EBF4: variants seen among roughly 807,000 people sequenced by gnomAD.
The protein encoded by EBF4 is transcription factor COE4.
In EBF4, 34 loss-of-function variants were observed where a neutral mutation model predicts 67.1. The observed-to-expected ratio is 0.51, with a 90% CI of 0.39 to 0.67. The LOEUF is 0.67. EBF4 is among the 30% of genes least tolerant of loss of function. The probability of loss-of-function intolerance (pLI) is 0.00; values close to 1 mark genes in which losing one functional copy is unlikely to be tolerated. For synonymous variants in EBF4, 387 were observed against 377.7 expected (o/e 1.02, Z -0.29); for missense variants, 837 against 873.3 (o/e 0.96, Z 0.52).
rs781320637 is a variant in EBF4 at position 2,708,060 on chromosome 20, A to G, written c.488+40A>G. On this transcript the variant is annotated intron_variant, in intron 5 of 16. Coordinates refer to ENST00000609451, the Ensembl canonical transcript of EBF4. ...TCACTCACACCTCACCCCTCTGCCA[A>G]GGCGTTTCTGAGGACTCTACCCAGG... is the stretch of plus-strand genomic sequence containing the variant. 15 of 1,573,352 alleles carry G rather than the reference A, an allele frequency of 9.5e-6. No homozygotes were observed. The South Asian group carries it at 1.6e-4, about 17-fold the overall frequency.
intron 1 of EBF4, among the ~76,000 whole-genome samples, chr20:2,704,880 C>G (rs1166467757): frequency 1.3e-5 from 2 of 152,226 alleles, no homozygotes; most frequent in African/African-American, 2.4e-5. Flanking sequence ...TCACTCTGGC[C>G]TTGCTTCTGG....
intron 1 of EBF4, among the ~76,000 whole-genome samples, chr20:2,698,565 A>AG (rs747616437): frequency 9.2e-5 from 14 of 152,116 alleles, no homozygotes; most frequent in Non-Finnish European, 1.5e-4. Flanking sequence ...GCTTGGAGGA[A>AG]GGGGGGATGT....
intron 15 of EBF4, 71 bp from the exon 16 acceptor site, chr20:2,758,838 C>A: frequency 1.5e-6 from 2 of 1,370,472 alleles, no homozygotes; most frequent in African/African-American, 1.4e-5. Flanking sequence ...GTCTCCAGCC[C>A]AGAGAGTGAC....
intron 7 of EBF4, 84 bp downstream of exon 7, chr20:2,748,714 C>T (rs1364535261): frequency 4.8e-6 from 7 of 1,453,342 alleles, no homozygotes; most frequent in Non-Finnish European, 6.6e-6. Flanking sequence ...GGCTGTGACC[C>T]TGCCACCCTG....
chr20:2,752,686 C>A, intron 14 of EBF4, 141 bp downstream of exon 14: 1 of 720,818 alleles, frequency 1.4e-6, no homozygotes, highest in Non-Finnish European at 1.9e-6. Context: ...GTCAGGCCCA[C>A]CGTCCCCGCC....
chr20:2,713,804 G>C (rs2087573501), intron 6 of EBF4, among the ~76,000 whole-genome samples: 1 of 152,168 alleles, frequency 6.6e-6, no homozygotes, highest in Non-Finnish European at 1.5e-5. Flanking sequence ...TGAGATATGA[G>C]ACAGGGGTTG....
intron 1 of EBF4, among the ~76,000 whole-genome samples, chr20:2,699,148 C>T (rs1451854433): frequency 1.3e-5 from 2 of 152,134 alleles, no homozygotes; most frequent in East Asian, 1.9e-4. Context: ...GAGCATCTCC[C>T]GGGACCTGCT....
chr20:2,708,105 T>A, intron 5 of EBF4, 85 bp downstream of exon 5: 1 of 1,400,198 alleles, frequency 7.1e-7, no homozygotes, highest in South Asian at 1.4e-5. Flanking sequence ...CTCGCCGCCC[T>A]TGCCCCTGGC....
chr20:2,746,717 A>G (rs1029852603), intron 6 of EBF4, among the ~76,000 whole-genome samples: 8 of 152,246 alleles, frequency 5.3e-5, no homozygotes, highest in Non-Finnish European at 8.8e-5. Context: ...TAAGTAGTAC[A>G]TGAGTAACTA....
At chr20:2,741,216 G>A (rs1049051336) in intron 6 of EBF4, among the ~76,000 whole-genome samples, 5 of 152,070 alleles carry the variant, frequency 3.3e-5, no homozygotes, top group African/African-American at 7.2e-5. Flanking sequence ...GGAGGCTGAG[G>A]TGAGAGGATC....
chr20:2,698,381 A>T (rs369878554), intron 1 of EBF4, among the ~76,000 whole-genome samples: 1 of 152,226 alleles, frequency 6.6e-6, no homozygotes, highest in African/African-American at 2.4e-5. Flanking sequence ...CCACTGGGCT[A>T]CTGCTTTTAT....
exon 8 of EBF4, chr20:2,749,498 G>T: frequency 3.2e-6 from 5 of 1,547,810 alleles, no homozygotes; most frequent in Non-Finnish European, 4.4e-6. Context: ...CGCAGGGCGC[G>T]CCGCCTGGAC....
intron 6 of EBF4, among the ~76,000 whole-genome samples, chr20:2,723,616 TG>T (rs1392097177): frequency 6.6e-6 from 1 of 152,212 alleles, no homozygotes; most frequent in Non-Finnish European, 1.5e-5. Context: ...CCCAAAGTGC[TG>T]GGATTACAGG....
chr20:2,748,511 C>T (rs1400147096), intron 6 of EBF4, 38 bp from the exon 7 acceptor site: 2 of 1,535,244 alleles, frequency 1.3e-6, no homozygotes, highest in Non-Finnish European at 1.8e-6. Context: ...GTTTCCAGAA[C>T]CCCCAGACCC....
rs1459748633 is a variant in EBF4, at chr20:2,749,404, G to A, written c.643G>A (p.Val215Met). The stretch of plus-strand genomic sequence containing the variant: ...CTGGCCTCGGCTCTCCCCGCAGGTG[G>A]TGGTGTCCACGACGGTGAGCGTGGA... The change falls in exon 8 of 17, where the codon GTG becomes ATG. Residue 215 changes from valine (V) to methionine (M), a missense_variant. By Grantham distance (21) the Val-to-Met change is conservative. Around this residue, in one of 3 missense-constraint regions of EBF4, gnomAD observed 226 missense variants for 306.5 expected, o/e 0.74. Transcript: ENST00000609451. 4.6e-6 allele frequency: 7 copies of A among 1,534,500 alleles called. No homozygotes were observed. Among genetic ancestry groups the A allele is most frequent in the Non-Finnish European group, 5.3e-6 (6 of 1,137,556 alleles).
chr20:2,748,447 G>C, intron 6 of EBF4, 102 bp from the exon 7 acceptor site: 4 of 1,122,836 alleles, frequency 3.6e-6, no homozygotes, highest in South Asian at 2.9e-5. Context: ...AGCAGGCAGA[G>C]GGGACTCATC....
rs1600249345 is a variant in EBF4 at position 2,755,960 on chromosome 20, C to T, written c.1738+136C>T. 2 of 955,282 alleles carry T rather than the reference C, an allele frequency of 2.1e-6. No homozygotes were observed. The highest frequency in any genetic ancestry group is 5.3e-5 in the East Asian group (2 of 37,674). The allele number at this position is 955,282 out of a possible 1,614,324, so 59.2% of individuals were successfully genotyped here. On this transcript the variant is annotated intron_variant, in intron 15 of 16. Transcript: ENST00000609451. This position sits in a 1 kb window ranked among gnomAD's most constrained non-coding sequence, Gnocchi z 4.7. The stretch of plus-strand genomic sequence containing the variant: ...CCTGCTCTTCTTGGAGGACGGAGAG[C>T]AGGGAGCTCTGCTGGGGTCCAGGGA...
intron 15 of EBF4, 81 bp from the exon 16 acceptor site, chr20:2,758,828 G>A: frequency 7.8e-7 from 1 of 1,277,476 alleles, no homozygotes. Context: ...CCTGCCTGCT[G>A]TCTCCAGCCC....
intron 8 of EBF4, 24 bp downstream of exon 8, chr20:2,749,542 G>A (rs932472200): frequency 2.7e-4 from 408 of 1,538,832 alleles, no homozygotes; most frequent in Non-Finnish European, 3.4e-4. Context: ...GCCCAGCCCC[G>A]GCCGCCGCGG....
Sources: allele counts gnomAD v4.1 joint callset (sites outside exome capture counted in the v4.1 genomes callset), GRCh38; gene constraint gnomAD v4.1.1; regional missense constraint gnomAD v4.1.1; non-coding constraint Gnocchi (gnomAD v3.1); transcripts MANE v1.5; gene names NCBI Gene and HGNC (gene_info 2026-07-23, HGNC 2026-07-21).